Variants in ERICH2 observed in about 807,000 individuals in gnomAD.
ERICH2 encodes glutamate-rich protein 2.
ERICH2 carries 17 observed loss-of-function variants against 17.4 expected under a neutral mutation model. That is an observed-to-expected ratio of 0.98 (90% CI 0.67 to 1.47). The LOEUF (loss-of-function observed/expected upper bound fraction) is 1.47. Among genes scored for constraint, ERICH2 ranks in the 40% most tolerant of loss-of-function variants. The probability of loss-of-function intolerance (pLI) is 0.00; values close to 1 mark genes in which losing one functional copy is unlikely to be tolerated. For synonymous variants in ERICH2, 51 were observed against 61.1 expected (o/e 0.83, Z 0.77); for missense variants, 186 against 183.2 (o/e 1.01, Z -0.09).
chr2:170,796,000 T>C (rs1331574719), intron 3 of ERICH2, among the ~76,000 whole-genome samples: 1 of 152,198 alleles, frequency 6.6e-6, no homozygotes, highest in Non-Finnish European at 1.5e-5. Flanking sequence ...CTACAAAATC[T>C]TCTATTTATT....
At chr2:170,782,237 A>G, upstream of ERICH2, 2 of 909,606 alleles carry the variant, frequency 2.2e-6, no homozygotes, top group African/African-American at 1.8e-5. Context: ...TGTCTAACAT[A>G]TAGGAAGGAA....
intron 4 of ERICH2, among the ~76,000 whole-genome samples, chr2:170,798,317 G>A (rs1457043430): frequency 2.0e-5 from 3 of 152,124 alleles, no homozygotes; most frequent in Non-Finnish European, 4.4e-5. Context: ...AGAACTGCCC[G>A]AGCAGAGCAG....
chr2:170,789,579 C>T (rs1575409413), intron 2 of ERICH2, among the ~76,000 whole-genome samples: 1 of 152,058 alleles, frequency 6.6e-6, no homozygotes, highest in African/African-American at 2.4e-5. Flanking sequence ...TTTTTTAAAC[C>T]TGTCTTCAGC....
chr2:170,779,957 A>G (rs1700989586), upstream of ERICH2: 4 of 468,116 alleles, frequency 8.5e-6, 1 homozygote, highest in South Asian at 2.7e-4. Flanking sequence ...GACAAAGTTT[A>G]AAATAGAAAT....
chr2:170,786,257 T>A (rs1485522468), intron 2 of ERICH2, among the ~76,000 whole-genome samples: 2 of 152,140 alleles, frequency 1.3e-5, no homozygotes, highest in Admixed American at 1.3e-4. Flanking sequence ...TAAAAGGTCT[T>A]AATTTCATTT....
At chr2:170,783,984 C>T (rs1434527560) in intron 1 of ERICH2, 1 of 1,401,438 alleles carries the variant, frequency 7.1e-7, no homozygotes, top group African/African-American at 1.4e-5. Context: ...TTAGTTTTAC[C>T]TTTTTTTGTT....
rs141911752 is a variant in ERICH2, at chr2:170,784,444, G to A, written c.29-202G>A. On this transcript the variant is annotated intron_variant, in intron 1 of 4. Coordinates refer to ENST00000409885, the Ensembl canonical transcript of ERICH2. Reference sequence around the variant, plus strand: ...TCCCTCAGTTTCCTCACCTATAAATGGGAATAAAAATAGTACATACCGCCT... The same window carrying A: ...TCCCTCAGTTTCCTCACCTATAAATAGGAATAAAAATAGTACATACCGCCT... 1.2e-4 allele frequency among the ~76,000 whole-genome samples: 19 copies of A among 152,176 alleles called. No individual in the cohort carries two copies. In the East Asian group the frequency reaches 3.1e-3, roughly 25 times the overall value.
intron 3 of ERICH2, among the ~76,000 whole-genome samples, chr2:170,795,047 T>A (rs1168442815): frequency 6.6e-6 from 1 of 152,116 alleles, no homozygotes; most frequent in Non-Finnish European, 1.5e-5. Flanking sequence ...AGTGGCACAA[T>A]GTCAGCCACT....
At chr2:170,785,567 A>G (rs1216537404) in intron 2 of ERICH2, among the ~76,000 whole-genome samples, 1 of 149,798 alleles carries the variant, frequency 6.7e-6, no homozygotes, top group Non-Finnish European at 1.5e-5. Context: ...TTACAATAAG[A>G]TGAAATGTAT....
chr2:170,771,651 C>T, the ERICH2 span, among the ~76,000 whole-genome samples: 1 of 152,228 alleles, frequency 6.6e-6, no homozygotes, highest in Non-Finnish European at 1.5e-5. The surrounding 1 kb of genome is among the most constrained non-coding windows in gnomAD (Gnocchi z 4.8). Flanking sequence ...TTAGTTAAGA[C>T]ATCACTACTA....
chr2:170,777,191 ATTTT>A, the ERICH2 span: 1 of 162,596 alleles, frequency 6.2e-6, no homozygotes, highest in Non-Finnish European at 1.3e-5. Flanking sequence ...AGAGTATATA[ATTTT>A]TTTAGGATGT....
the ERICH2 span, among the ~76,000 whole-genome samples, chr2:170,772,073 T>C: frequency 6.6e-6 from 1 of 152,262 alleles, no homozygotes; most frequent in South Asian, 2.1e-4. Context: ...GTTTTTGTAA[T>C]CTCTGGAGAA....
At chr2:170,779,719 C>T, upstream of ERICH2, 3 of 451,202 alleles carry the variant, frequency 6.6e-6, no homozygotes, top group Non-Finnish European at 8.8e-6. Context: ...ACTTTTCTTA[C>T]ATAATCACGT....
chr2:170,782,591 C>G (rs1701054858), upstream of ERICH2, among the ~76,000 whole-genome samples: 1 of 152,174 alleles, frequency 6.6e-6, no homozygotes, highest in Admixed American at 6.5e-5. Flanking sequence ...ATGGTAATTA[C>G]AGAGTCTTAA....
chr2:170,798,477 A>G (rs191668277), intron 4 of ERICH2, among the ~76,000 whole-genome samples: 19 of 152,346 alleles, frequency 1.2e-4, no homozygotes, highest in African/African-American at 4.1e-4. Context: ...ACTATTGTCA[A>G]TAAAATTCTA....
chr2:170,793,456 G>T (rs1701340646), intron 3 of ERICH2, among the ~76,000 whole-genome samples: 1 of 152,240 alleles, frequency 6.6e-6, no homozygotes, highest in African/African-American at 2.4e-5. Context: ...GGTACTGGAG[G>T]AAGGCAAAGC....
At chr2:170,788,881 T>C (rs564255092) in intron 2 of ERICH2, among the ~76,000 whole-genome samples, 1 of 152,332 alleles carries the variant, frequency 6.6e-6, no homozygotes, top group East Asian at 1.9e-4. Context: ...GTGCCTCATT[T>C]GCTTTATCTT....
intron 1 of ERICH2, 31 bp from the exon 7 acceptor site, chr2:170,784,615 T>C: frequency 7.3e-7 from 1 of 1,374,014 alleles, no homozygotes; most frequent in Non-Finnish European, 9.6e-7. Flanking sequence ...TTTCGATCTC[T>C]TTTGATTAAA....
upstream of ERICH2, among the ~76,000 whole-genome samples, chr2:170,781,641 A>AT (rs1406866191): frequency 6.6e-6 from 1 of 151,986 alleles, no homozygotes; most frequent in East Asian, 1.9e-4. Context: ...TAAAAAAAAA[A>AT]AAAAAAAGAC....
Sources: allele counts gnomAD v4.1 joint callset (sites outside exome capture counted in the v4.1 genomes callset), GRCh38; gene constraint gnomAD v4.1.1; non-coding constraint Gnocchi (gnomAD v3.1); transcripts MANE v1.5; gene names NCBI Gene and HGNC (gene_info 2026-07-23, HGNC 2026-07-21).